The following KCNQ2 variants were observed in gnomAD, a reference collection of about 807,000 sequenced individuals.
KCNQ2 encodes potassium voltage-gated channel subfamily KQT member 2.
In KCNQ2, 14 loss-of-function variants were observed where a neutral mutation model predicts 84.8. The observed-to-expected ratio is 0.17, with a 90% confidence interval of 0.11 to 0.26. The LOEUF (loss-of-function observed/expected upper bound fraction) is 0.26. Ranked by LOEUF, KCNQ2 falls within the 10% of genes least tolerant of loss-of-function variation. KCNQ2 has a pLI of 1.00. For missense variants in KCNQ2, 788 were observed against 1,254.0 expected, an observed-to-expected ratio of 0.63 and a Z score of 5.61; for synonymous variants, 599 against 554.1, an observed-to-expected ratio of 1.08 and a Z score of -1.14.
At chr20:63,424,735 G>A (rs949918772) in intron 10 of KCNQ2, among the ~76,000 whole-genome samples, 3 of 152,328 alleles carry the variant, frequency 2.0e-5, no homozygotes, top group South Asian at 2.1e-4. Flanking sequence ...CAACTGTCCC[G>A]GCCTCGTCCT....
rs1491259172 is a variant in KCNQ2, at chr20:63,431,979, C to CACA, written c.1119-611_1119-610insTGT. Among the ~76,000 whole-genome samples, 988 of 147,958 alleles carry CACA rather than the reference C, an allele frequency of 6.7e-3. 87 individuals carry two copies. Among genetic ancestry groups the CACA allele is most frequent in the African/African-American group, 0.021 (841 of 40,000 alleles). ...ATCCACCCACAGGGAAGGCCCCACC[C>CACA]GCAGGGAAGGCCCCACCCTCAGGGA... On this transcript the variant is annotated intron_variant, in intron 8 of 16. Transcript: ENST00000359125.
chr20:63,417,413 G>T (rs1310846030), intron 12 of KCNQ2, among the ~76,000 whole-genome samples: 1 of 152,244 alleles, frequency 6.6e-6, no homozygotes, highest in Non-Finnish European at 1.5e-5. Context: ...GTTTCCACCC[G>T]AGGCAGGTCC....
intron 4 of KCNQ2, among the ~76,000 whole-genome samples, chr20:63,444,110 G>T (rs1001241817): frequency 6.6e-6 from 1 of 152,218 alleles, no homozygotes; most frequent in Non-Finnish European, 1.5e-5. Context: ...AATGGGGAGG[G>T]GGCCATTTGA....
Position 63,424,462 on chromosome 20 carries a change from A to G in KCNQ2, c.1218-256T>C, listed in dbSNP as rs2080570001. ...TGGGGCGGGGGCCTCTGCTCTTCTGACCTGGGGGTCTCTACCCCTCCACAT... is the reference window on the plus strand; with the variant it reads ...TGGGGCGGGGGCCTCTGCTCTTCTGGCCTGGGGGTCTCTACCCCTCCACAT... On this transcript the variant is annotated intron_variant, in intron 10 of 16. Coordinates refer to ENST00000359125, the MANE Select transcript of KCNQ2 (RefSeq NM_172107.4). The G allele has an allele frequency of 5.3e-6, 3 of 568,194 alleles. 1 individual carries two copies. The South Asian group carries it at 7.1e-5, about 13-fold the overall frequency. The allele number at this position is 568,194 out of a possible 1,614,324, so 35.2% of individuals were successfully genotyped here.
intron 4 of KCNQ2, among the ~76,000 whole-genome samples, chr20:63,443,139 C>A (rs2081280907): frequency 1.3e-5 from 1 of 75,634 alleles, no homozygotes; most frequent in Non-Finnish European, 2.7e-5. Flanking sequence ...CCACCATCAT[C>A]ACCACCACCA....
In KCNQ2 at chr20:63,460,531, C is replaced by A. The variant is rs1289614755; in HGVS notation, c.296+11637G>T. ...CTCAGCTGGTCCACGGCTCACAGCT[C>A]CAGTCCCTGGCCCCCTACAAACGTC... On this transcript the variant is annotated intron_variant, in intron 1 of 16. Transcript: ENST00000359125. This position sits in a 1 kb window ranked among gnomAD's most constrained non-coding sequence, Gnocchi z 5.4. Among the ~76,000 whole-genome samples the A allele has an allele frequency of 6.6e-6, 1 of 151,992 alleles. No individual in the cohort carries two copies. Among genetic ancestry groups the A allele is most frequent in the Admixed American group, 6.5e-5 (1 of 15,278 alleles).
At position 63,402,708 on chromosome 20, in the gene KCNQ2, G is replaced by A. The variant is rs1419269398; in HGVS notation, c.*3936C>T. The A allele has an allele frequency of 1.3e-5, 2 of 152,288 alleles. No homozygotes were observed. The highest frequency in any genetic ancestry group is 2.9e-5 in the Non-Finnish European group (2 of 68,120). 9.4% of individuals were successfully genotyped at this position (152,288 alleles called of 1,614,324 possible). ...GGGGTGATCAGACCCACAGCTCAAA[G>A]GGTGCCCCCTGGAGAAGCCCTCACA... On this transcript the variant is annotated 3_prime_UTR_variant, in exon 17 of 17. Coordinates refer to ENST00000359125, the MANE Select transcript of KCNQ2 (RefSeq NM_172107.4).
chr20:63,406,612 G>A lies in KCNQ2; in HGVS notation c.*32C>T. ...CCTCGGAGGCACCGTGCTGAGGAGG[G>A]CCGCGGGCGGGTCCACTGGCCCAGC... On this transcript the variant is annotated 3_prime_UTR_variant, in exon 17 of 17. Transcript: ENST00000359125. 6.4e-7 allele frequency: 1 copy of A among 1,564,024 alleles called. No homozygotes were observed. The highest frequency in any genetic ancestry group is 1.2e-5 in the South Asian group (1 of 86,484).
At chr20:63,419,767 G>T in intron 11 of KCNQ2, 95 bp from the exon 12 acceptor site, 3 of 1,119,436 alleles carry the variant, frequency 2.7e-6, no homozygotes, top group Non-Finnish European at 4.0e-6. Context: ...CCAGGGTGTT[G>T]TGTGCAGTCC....
intron 1 of KCNQ2, among the ~76,000 whole-genome samples, chr20:63,464,724 A>G (rs1029671050): frequency 6.6e-6 from 1 of 152,192 alleles, no homozygotes; most frequent in African/African-American, 2.4e-5. Flanking sequence ...CCAGCCACTC[A>G]GTGTGTGGGG....
rs982957885 is a variant in KCNQ2 at position 63,401,404 on chromosome 20, C to G, written c.*5240G>C. ...GGGTGTGCAGCTTCTCTAGGTCTCC[C>G]GGAGGGACAGGAACCTGCGTATTCC... On this transcript the variant is annotated 3_prime_UTR_variant, in exon 17 of 17. Transcript: ENST00000359125. 2 of 152,690 alleles carry G rather than the reference C, an allele frequency of 1.3e-5. No individual in the cohort carries two copies. Among genetic ancestry groups the G allele is most frequent in the Non-Finnish European group, 2.9e-5 (2 of 68,384 alleles). 9.5% of individuals were successfully genotyped at this position (152,690 alleles called of 1,614,324 possible).
chr20:63,465,129 C>G (rs1267661040), intron 1 of KCNQ2, among the ~76,000 whole-genome samples: 3 of 152,240 alleles, frequency 2.0e-5, no homozygotes, highest in Non-Finnish European at 4.4e-5. Flanking sequence ...CTGTGGCCTG[C>G]CAGACCTCAG....
At chr20:63,453,006 G>T (rs567887481) in intron 1 of KCNQ2, among the ~76,000 whole-genome samples, 3 of 152,184 alleles carry the variant, frequency 2.0e-5, no homozygotes, top group Admixed American at 2.0e-4. Flanking sequence ...GCGCAGCACC[G>T]CGTGTGGAGG....
chr20:63,400,998 C>T lies in KCNQ2; in HGVS notation c.*5646G>A, dbSNP rs375333417. 272 of 397,120 alleles carry T rather than the reference C, an allele frequency of 6.8e-4. No homozygotes were observed. The highest frequency in any genetic ancestry group is 1.0e-3 in the Non-Finnish European group (235 of 225,534). 24.6% of individuals were successfully genotyped at this position (397,120 alleles called of 1,614,324 possible). A position where few individuals can be genotyped will look rare whatever the true frequency, so the allele number is the denominator to read the frequency against. ...AGGCGGAGTTGGCGTGTGGCGATGG[C>T]GATGTGCACGTGCCTGCCTGGTAGC... On this transcript the variant is annotated 3_prime_UTR_variant, in exon 17 of 17. Transcript: ENST00000359125. The surrounding 1 kb of genome is among the most constrained non-coding windows in gnomAD (Gnocchi z 8.7).
chr20:63,414,830 G>A lies in KCNQ2; in HGVS notation c.1525+73C>T. The A allele has an allele frequency of 6.9e-7, 1 of 1,459,244 alleles. No homozygotes were observed. The highest frequency in any genetic ancestry group is 9.6e-7 in the Non-Finnish European group (1 of 1,043,416). 90.4% of individuals were successfully genotyped at this position (1,459,244 alleles called of 1,614,324 possible). A position where few individuals can be genotyped will look rare whatever the true frequency, so the allele number is the denominator to read the frequency against. On this transcript the variant is annotated intron_variant, in intron 13 of 16. Coordinates refer to ENST00000359125, the MANE Select transcript of KCNQ2 (RefSeq NM_172107.4). The surrounding 1 kb of genome is among the most constrained non-coding windows in gnomAD (Gnocchi z 6.6). Reference sequence around the variant, plus strand: ...GCAAAAGCAGCTGCGACGCCACAGGGTGGCCACAGTAGCGTGGCCACCACA... The same window carrying A: ...GCAAAAGCAGCTGCGACGCCACAGGATGGCCACAGTAGCGTGGCCACCACA...
At chr20:63,422,884 C>A (rs941805429) in intron 11 of KCNQ2, among the ~76,000 whole-genome samples, 2 of 152,150 alleles carry the variant, frequency 1.3e-5, no homozygotes, top group African/African-American at 4.8e-5. Context: ...GGCCCTGCCA[C>A]GCGGAAGCCG....
chr20:63,444,928 G>A, intron 3 of KCNQ2, 94 bp from the exon 4 acceptor site: 1 of 1,365,192 alleles, frequency 7.3e-7, no homozygotes, highest in South Asian at 1.4e-5. Context: ...AGGATGTGCA[G>A]AGGGGCGGGA....
At chr20:63,449,766 G>GGGAGACTTC (rs1409714513) in intron 1 of KCNQ2, among the ~76,000 whole-genome samples, 1 of 152,216 alleles carries the variant, frequency 6.6e-6, no homozygotes. Flanking sequence ...GCGGCCTGCA[G>GGGAGACTTC]GGAGACTTCT....
chr20:63,419,047 G>C (rs890227056), intron 12 of KCNQ2, among the ~76,000 whole-genome samples: 1 of 152,116 alleles, frequency 6.6e-6, no homozygotes, highest in African/African-American at 2.4e-5. Context: ...GGAGGTGCGG[G>C]TCACGGTGCA....
Sources: allele counts gnomAD v4.1 joint callset (sites outside exome capture counted in the v4.1 genomes callset), GRCh38; gene constraint gnomAD v4.1.1; non-coding constraint Gnocchi (gnomAD v3.1); transcripts MANE v1.5; gene names NCBI Gene and HGNC (gene_info 2026-07-23, HGNC 2026-07-21).